Variants in THBS4 observed in about 807,000 individuals in gnomAD.
The protein encoded by THBS4 is thrombospondin 4, also known as thrombospondin-4.
A neutral mutation model predicts 115.7 loss-of-function variants in THBS4; 90 were observed. That is an observed-to-expected ratio of 0.78 (90% confidence interval 0.66 to 0.93). THBS4 has a LOEUF of 0.93. THBS4 is among the 40% of genes least tolerant of loss of function. The pLI, the probability that THBS4 is intolerant of heterozygous loss-of-function variation, is 0.00. For synonymous variants in THBS4, 460 were observed against 479.3 expected (o/e 0.96, Z 0.53); for missense variants, 1,087 against 1,232.7 (o/e 0.88, Z 1.77).
At position 80,035,981 on chromosome 5, in the gene THBS4, GT is replaced by G; in HGVS notation, c.88+358del. 1 of 1,026,844 alleles carries G rather than the reference GT, an allele frequency of 9.7e-7. No homozygotes were observed. The highest frequency in any genetic ancestry group is 1.2e-6 in the Non-Finnish European group (1 of 857,590). 63.6% of individuals were successfully genotyped at this position (1,026,844 alleles called of 1,614,324 possible). On this transcript the variant is annotated intron_variant, in intron 1 of 21. Transcript: ENST00000350881. This position sits in a 1 kb window ranked among gnomAD's most constrained non-coding sequence, Gnocchi z 4.6. Reference sequence around the variant, plus strand: ...ATTCCGGGTCCTGCACCCTGTGCCGGTTCCCTCCAGGCAGCCTTGCTCCCTA... The same window carrying G: ...ATTCCGGGTCCTGCACCCTGTGCCGGTCCCTCCAGGCAGCCTTGCTCCCTA...
In THBS4 at chr5:80,071,131, C is replaced by G. The variant is rs762654406; in HGVS notation, c.1671C>G (p.Thr557=). 5.6e-6 allele frequency: 9 copies of G among 1,606,234 alleles called. No individual in the cohort carries two copies. The highest frequency in any genetic ancestry group is 7.6e-6 in the Non-Finnish European group (9 of 1,177,924). The change falls in exon 13 of 22, where the codon ACC becomes ACG. Residue 557 remains threonine (T), a synonymous_variant. Coordinates refer to ENST00000350881, the MANE Select transcript of THBS4 (RefSeq NM_003248.6). ...TCTTAAATAACGACCAGAAAGACAC[C>G]GATGGGGATGGAAGAGGAGATGCCT... ...LSVLNNDQKD[T]DGDGRGDACD... is the part of the protein sequence containing the mutation.
Position 80,079,947 on chromosome 5 carries a change from T to G in THBS4, c.2554T>G (p.Ser852Ala), listed in dbSNP as rs1465121751. The change falls in exon 20 of 22, where the codon TCC (serine) becomes GCC (alanine). Residue 852 changes from serine to alanine, a missense_variant. By Grantham distance (99) the Ser-to-Ala change is moderately conservative (BLOSUM62 1). This residue lies in a region of THBS4 where 979 missense variants were observed against 1,103.7 expected (regional missense o/e 0.89). Coordinates refer to ENST00000350881, the MANE Select transcript of THBS4 (RefSeq NM_003248.6). Reference protein sequence around the residue: ...KTGPGEHLRNSLWHTGDTSDQ... With the variant: ...KTGPGEHLRNALWHTGDTSDQ... ...AGGTCCAGGGGAGCATCTCCGGAAC[T>G]CCCTGTGGCACACGGGGGACACCAG... The G allele has an allele frequency of 6.2e-7, 1 of 1,614,054 alleles. No homozygotes were observed. Among genetic ancestry groups the G allele is most frequent in the South Asian group, 1.1e-5 (1 of 91,078 alleles).
At chr5:80,018,389 CTTTT>C (rs35373315) in intron 2 of THBS4, among the ~76,000 whole-genome samples, 3 of 100,002 alleles carry the variant, frequency 3.0e-5, no homozygotes, top group East Asian at 2.6e-4. Flanking sequence ...TTCAAATATA[CTTTT>C]TTTTTTTTTT....
rs1832274928 is a variant in THBS4 at position 80,017,455 on chromosome 5, C to T, written n.177+19028C>T. Among the ~76,000 whole-genome samples the T allele has an allele frequency of 2.6e-5, 4 of 151,872 alleles. No homozygotes were observed. The South Asian group carries it at 8.3e-4, about 32-fold the overall frequency. ...TCTGTCTATTCATTTGAGGTTAACC[C>T]AAATATTTTAATATTTAATAAAATC... On this transcript the variant is annotated intron_variant and non_coding_transcript_variant, in intron 2 of 3. Transcript: ENST00000510218.
intron 9 of THBS4, chr5:80,066,290 A>G (rs888939544): frequency 2.0e-5 from 3 of 152,346 alleles, no homozygotes; most frequent in Admixed American, 6.5e-5. Flanking sequence ...GTGTATGACT[A>G]TTTGAAAGTT....
chr5:80,000,198 T>A (rs1831869338), intron 2 of THBS4, among the ~76,000 whole-genome samples: 1 of 152,228 alleles, frequency 6.6e-6, no homozygotes, highest in African/African-American at 2.4e-5. Flanking sequence ...TACTCATTTT[T>A]ACTTCAAATG....
chr5:80,030,557 CG>C (rs1014626432), upstream of THBS4, among the ~76,000 whole-genome samples: 1 of 152,034 alleles, frequency 6.6e-6, no homozygotes, highest in Non-Finnish European at 1.5e-5. Context: ...TTAGTAGAGA[CG>C]GGGTTTCACC....
chr5:79,998,969 A>G (rs554427134), intron 2 of THBS4, among the ~76,000 whole-genome samples: 25 of 152,328 alleles, frequency 1.6e-4, no homozygotes, highest in African/African-American at 6.0e-4. Context: ...AAGGATGGAC[A>G]GCCGGGAGTA....
chr5:80,082,997 A>G (rs1743600942), intron 21 of THBS4, 83 bp from the exon 22 acceptor site: 1 of 1,281,350 alleles, frequency 7.8e-7, no homozygotes. Context: ...CGCCCCCTAC[A>G]GGACGCCTGA....
chr5:80,051,173 T>C (rs967877511), intron 2 of THBS4, among the ~76,000 whole-genome samples: 3 of 152,150 alleles, frequency 2.0e-5, no homozygotes, highest in Admixed American at 1.3e-4. Flanking sequence ...CCCTTCCCAG[T>C]GATGCTGCCT....
chr5:80,002,671 A>G (rs1334996379), intron 2 of THBS4, among the ~76,000 whole-genome samples: 1 of 151,564 alleles, frequency 6.6e-6, no homozygotes. Flanking sequence ...CCAAGCAGTA[A>G]ATGGCATTGT....
rs180671726 is a variant in THBS4, at chr5:80,082,229, A to G, written c.2685-177A>G. The G allele has an allele frequency of 2.9e-3, 2,103 of 723,418 alleles. 8 individuals are homozygous for G. The highest frequency in any genetic ancestry group is 3.7e-3 in the Non-Finnish European group (1,709 of 458,882). The allele number at this position is 723,418 out of a possible 1,614,324, so 44.8% of individuals were successfully genotyped here. A position where few individuals can be genotyped will look rare whatever the true frequency, so the allele number is the denominator to read the frequency against. On this transcript the variant is annotated intron_variant, in intron 20 of 21. Transcript: ENST00000350881. ...ACGGTCCCTGCCCTCAAGGACTTCCAGTCTAGTAAGTAAGTGGCAACAGCT... is the reference window on the plus strand; with the variant it reads ...ACGGTCCCTGCCCTCAAGGACTTCCGGTCTAGTAAGTAAGTGGCAACAGCT...
At position 80,083,170 on chromosome 5, in the gene THBS4, C is replaced by T. The variant is rs750755235; in HGVS notation, c.*29C>T. 3.8e-6 allele frequency: 6 copies of T among 1,582,358 alleles called. No individual in the cohort carries two copies. The highest frequency in any genetic ancestry group is 1.3e-5 in the African/African-American group (1 of 74,224). On this transcript the variant is annotated 3_prime_UTR_variant, in exon 22 of 22. Transcript: ENST00000350881. ...AAGGAAGCAATCTGTAACTGCTTTT[C>T]GGAACACTAAAACCATATATATTTT...
chr5:80,031,469 TG>T (rs1260839071), upstream of THBS4, among the ~76,000 whole-genome samples: 1 of 152,262 alleles, frequency 6.6e-6, no homozygotes, highest in African/African-American at 2.4e-5. Context: ...GCTACAATAT[TG>T]TTACATAACA....
chr5:80,047,923 G>T (rs1008298365), intron 2 of THBS4, among the ~76,000 whole-genome samples: 26 of 151,364 alleles, frequency 1.7e-4, no homozygotes, highest in Non-Finnish European at 3.1e-4. Flanking sequence ...GGGATTACAG[G>T]CATGAGCCAC....
chr5:80,028,551 C>T (rs1475311803), intron 2 of THBS4, among the ~76,000 whole-genome samples: 1 of 150,420 alleles, frequency 6.6e-6, no homozygotes, highest in Non-Finnish European at 1.5e-5. Context: ...CTCCACCTCC[C>T]GAGTTCAAGC....
intron 10 of THBS4, among the ~76,000 whole-genome samples, chr5:80,069,503 C>T (rs1833954781): frequency 1.3e-5 from 2 of 152,156 alleles, no homozygotes; most frequent in African/African-American, 2.4e-5. Context: ...TTGACAACTC[C>T]CCTGGGATGA....
chr5:80,070,943 G>A (rs1834024347), intron 12 of THBS4, 78 bp from the exon 13 acceptor site: 1 of 1,595,346 alleles, frequency 6.3e-7, no homozygotes, highest in African/African-American at 1.4e-5. Context: ...TGGGCCACCA[G>A]AGTGCTGATG....
At chr5:80,051,483 G>A (rs1833256710) in intron 2 of THBS4, among the ~76,000 whole-genome samples, 1 of 152,234 alleles carries the variant, frequency 6.6e-6, no homozygotes, top group Non-Finnish European at 1.5e-5. Context: ...AACAGACATT[G>A]TGAAGGTGGA....
Sources: gnomAD v4.1 joint callset for allele counts (sites outside exome capture counted in the v4.1 genomes callset) on GRCh38, gnomAD v4.1.1 for gene constraint, gnomAD v4.1.1 regional missense constraint, Gnocchi (gnomAD v3.1) non-coding constraint, MANE v1.5 for transcripts, NCBI Gene and HGNC (gene_info 2026-07-23, HGNC 2026-07-21) for gene names.